The following IGSF23 variants were observed in gnomAD, a reference collection of about 807,000 sequenced individuals.
IGSF23 encodes the protein immunoglobulin superfamily member 23.
A neutral mutation model predicts 17.8 loss-of-function variants in IGSF23; 14 were observed. The ratio of observed to expected loss-of-function variants is 0.79; its 90% CI spans 0.52 to 1.23. The LOEUF (loss-of-function observed/expected upper bound fraction) is 1.23. IGSF23 is among the 50% of genes most tolerant of loss of function. IGSF23 has a pLI of 0.00. For synonymous variants in IGSF23, 85 were observed against 92.5 expected, an observed-to-expected ratio of 0.92 and a Z score of 0.46; for missense variants, 214 against 241.7, an observed-to-expected ratio of 0.89 and a Z score of 0.76.
chr19:44,624,899 CAAAAAAAAA>C (rs71171273), intron 2 of IGSF23, among the ~76,000 whole-genome samples: 38,867 of 87,668 alleles, frequency 0.44, 5,890 homozygotes, highest in Middle Eastern at 0.52. Flanking sequence ...CTGTCTCTAC[CAAAAAAAAA>C]AAAAAAAAAA....
At chr19:44,635,210 T>C (rs191808454) in intron 3 of IGSF23, among the ~76,000 whole-genome samples, 191 bp from the exon 4 acceptor site, 3 of 152,326 alleles carry the variant, frequency 2.0e-5, no homozygotes, top group East Asian at 1.9e-4. Flanking sequence ...ACCAGTCTTA[T>C]TGGATCAGGA....
At chr19:44,624,082 G>A in intron 2 of IGSF23, 110 bp downstream of exon 2, 1 of 942,378 alleles carries the variant, frequency 1.1e-6, no homozygotes, top group Non-Finnish European at 1.5e-6. Context: ...GCAGTCCCCT[G>A]TGAGACCCTT....
At chr19:44,625,416 A>G (rs935334242) in intron 2 of IGSF23, among the ~76,000 whole-genome samples, 11 of 152,312 alleles carry the variant, frequency 7.2e-5, no homozygotes, top group African/African-American at 2.6e-4. Context: ...TCAAAATGAC[A>G]GCAAGTTGTT....
intron 3 of IGSF23, among the ~76,000 whole-genome samples, 196 bp downstream of exon 3, chr19:44,627,769 A>G (rs1972686668): frequency 6.6e-6 from 1 of 152,160 alleles, no homozygotes; most frequent in East Asian, 1.9e-4. Flanking sequence ...AGAGGACACT[A>G]GAGCTGGGCT....
intron 1 of IGSF23, among the ~76,000 whole-genome samples, chr19:44,615,625 A>T (rs913941909): frequency 1.5e-5 from 2 of 136,556 alleles, no homozygotes; most frequent in Non-Finnish European, 3.2e-5. Flanking sequence ...CTCCATCTTT[A>T]AAAAAAAAAA....
intron 2 of IGSF23, among the ~76,000 whole-genome samples, chr19:44,626,410 C>A (rs1380027905): frequency 6.6e-6 from 1 of 152,180 alleles, no homozygotes; most frequent in East Asian, 1.9e-4. Context: ...TGCTGTGTGG[C>A]CAGCCCACAC....
At chr19:44,631,986 G>A (rs909006832) in intron 3 of IGSF23, among the ~76,000 whole-genome samples, 2 of 152,160 alleles carry the variant, frequency 1.3e-5, no homozygotes, top group African/African-American at 4.8e-5. Flanking sequence ...TTTTGCGGGG[G>A]GGCCTGTTGG....
chr19:44,622,933 C>G (rs1370586241), intron 1 of IGSF23, among the ~76,000 whole-genome samples: 3 of 152,174 alleles, frequency 2.0e-5, no homozygotes, highest in Non-Finnish European at 2.9e-5. Flanking sequence ...TCCTCCTTGA[C>G]CCACCTTACC....
In IGSF23 at chr19:44,627,401, AC is replaced by A; in HGVS notation, c.392-15del. On this transcript the variant is annotated intron_variant, in intron 2 of 4. Transcript: ENST00000402988. ...GCGGGCAGATGGCTCCTCCAATCTC[AC>A]CCCTCCTTGGTCCCCAGAACCCATC... 2 of 1,494,246 alleles carry A rather than the reference AC, an allele frequency of 1.3e-6. No homozygotes were observed. The highest frequency in any genetic ancestry group is 9.0e-7 in the Non-Finnish European group (1 of 1,110,802). 92.6% of individuals were successfully genotyped at this position (1,494,246 alleles called of 1,614,324 possible).
intron 2 of IGSF23, among the ~76,000 whole-genome samples, chr19:44,627,029 C>T (rs913144897): frequency 6.6e-6 from 1 of 151,944 alleles, no homozygotes; most frequent in Non-Finnish European, 1.5e-5. Context: ...AAGGGATGAG[C>T]TTGGAAAATT....
At chr19:44,620,429 C>A (rs899310414) in intron 1 of IGSF23, among the ~76,000 whole-genome samples, 1 of 150,378 alleles carries the variant, frequency 6.6e-6, no homozygotes, top group African/African-American at 2.5e-5. Context: ...TGAAGTGGTG[C>A]GATCTCGGCT....
intron 3 of IGSF23, among the ~76,000 whole-genome samples, chr19:44,629,512 T>C (rs552184324): frequency 6.6e-6 from 1 of 152,154 alleles, no homozygotes; most frequent in African/African-American, 2.4e-5. Flanking sequence ...CAGCGAGCGA[T>C]GATCGTGCCA....
chr19:44,618,753 G>A (rs1458056583), intron 1 of IGSF23, among the ~76,000 whole-genome samples: 1 of 152,092 alleles, frequency 6.6e-6, no homozygotes, highest in East Asian at 1.9e-4. Flanking sequence ...AGGAACAAGA[G>A]GTAAAGCTGC....
intron 4 of IGSF23, among the ~76,000 whole-genome samples, chr19:44,636,116 A>G (rs1972883601): frequency 6.6e-6 from 1 of 152,206 alleles, no homozygotes; most frequent in Non-Finnish European, 1.5e-5. Context: ...GAGTAACAGC[A>G]GAAACTTCAA....
chr19:44,635,023 A>T lies in IGSF23; in HGVS notation c.546-378A>T, dbSNP rs557366020. On this transcript the variant is annotated intron_variant, in intron 3 of 4. Transcript: ENST00000402988. ...GCTACAGACCGGGGGGGCTTAAACA[A>T]CAAAAATTTATTTTCTCACAGTCTG... 1.5e-3 allele frequency among the ~76,000 whole-genome samples: 229 copies of T among 152,278 alleles called. 2 individuals are homozygous for T. The highest frequency in any genetic ancestry group is 5.4e-3 in the African/African-American group (224 of 41,550).
At chr19:44,635,900 G>A (rs1327294202) in intron 4 of IGSF23, among the ~76,000 whole-genome samples, 1 of 152,092 alleles carries the variant, frequency 6.6e-6, no homozygotes, top group Non-Finnish European at 1.5e-5. Context: ...CAATTTCATG[G>A]GTCATCCATT....
intron 3 of IGSF23, among the ~76,000 whole-genome samples, chr19:44,628,037 C>G (rs1972694730): frequency 6.6e-6 from 1 of 151,638 alleles, no homozygotes; most frequent in Non-Finnish European, 1.5e-5. Context: ...CTCTGCTTGC[C>G]AGGTTCAAGC....
rs1208944742 is a variant in IGSF23 at position 44,613,644 on chromosome 19, G to C, written c.-2G>C. On this transcript the variant is annotated 5_prime_UTR_variant, in exon 1 of 5. Coordinates refer to ENST00000402988, the MANE Select transcript of IGSF23 (RefSeq NM_001205280.2). The stretch of plus-strand genomic sequence containing the variant: ...TCCCGGCGGGGATTGTACGGTGAGA[G>C]AATGAGAGCAAAACCTCAGAGCCCC... 6.5e-7 allele frequency: 1 copy of C among 1,545,834 alleles called. No individual in the cohort carries two copies. Among genetic ancestry groups the C allele is most frequent in the Non-Finnish European group, 8.7e-7 (1 of 1,143,808 alleles).
rs762685049 is a variant in IGSF23, at chr19:44,635,417, A to C, written c.562A>C (p.Ile188Leu). The C allele has an allele frequency of 5.8e-5, 90 of 1,548,960 alleles. No homozygotes were observed. The South Asian group carries it at 1.1e-3, about 18-fold the overall frequency. ...CCACTGCAGGACTGACAGGCAGAGA[A>C]TAGGAATATGCAGCTGAAATGTGGG... ...IQSLRTDRQRIGICS is the reference protein window; with the variant it reads ...IQSLRTDRQRLGICS The change falls in exon 4 of 5, where the codon ATA (isoleucine) becomes CTA (leucine). Residue 188 changes from isoleucine to leucine, a missense_variant. Transcript: ENST00000402988.
Sources: gnomAD v4.1 joint callset for allele counts (sites outside exome capture counted in the v4.1 genomes callset) on GRCh38, gnomAD v4.1.1 for gene constraint, MANE v1.5 for transcripts, NCBI Gene and HGNC (gene_info 2026-07-23, HGNC 2026-07-21) for gene names.